The following ATP7B variants were observed in gnomAD, a reference collection of about 807,000 sequenced individuals.
ATP7B encodes the protein ATPase copper transporting beta.
A neutral mutation model predicts 118.9 loss-of-function variants in ATP7B; 113 were observed. The ratio of observed to expected loss-of-function variants is 0.95; its 90% CI spans 0.82 to 1.11. The LOEUF (loss-of-function observed/expected upper bound fraction) is 1.11, where lower values mean the gene tolerates loss of function less well. Ranked by LOEUF, ATP7B falls within the 50% of genes most tolerant of loss-of-function variation. The pLI, the probability that ATP7B is intolerant of heterozygous loss-of-function variation, is 0.00. For missense variants in ATP7B, 1,867 were observed against 1,871.4 expected, an observed-to-expected ratio of 1.00 and a Z score of 0.04; for synonymous variants, 777 against 727.4, an observed-to-expected ratio of 1.07 and a Z score of -1.10.
intron 9 of ATP7B, among the ~76,000 whole-genome samples, chr13:51,956,567 CG>C (rs1006798585): frequency 6.6e-6 from 1 of 152,012 alleles, no homozygotes; most frequent in Non-Finnish European, 1.5e-5. Context: ...GGGGCAGGAG[CG>C]GGAGGTGCCA....
rs587783302 is a variant in ATP7B at position 51,958,500 on chromosome 13, C to G, written c.2166G>C (p.Leu722=). 6.2e-7 allele frequency: 1 copy of G among 1,614,130 alleles called. No homozygotes were observed. Among genetic ancestry groups the G allele is most frequent in the South Asian group, 1.1e-5 (1 of 91,072 alleles). The change falls in exon 8 of 21, where the codon CTG becomes CTC. Residue 722 remains leucine, a synonymous_variant. Transcript: ENST00000242839. ...CGTCCATGTTGGCTGACCTGTGTCT[C>G]AGAGATTTGTAGGCCTGAACGTAGA... ...WYFYVQAYKS[L]RHRSANMDVL...
intron 19 of ATP7B, among the ~76,000 whole-genome samples, chr13:51,936,840 T>C (rs923929136): frequency 5.3e-5 from 8 of 152,240 alleles, no homozygotes; most frequent in African/African-American, 1.9e-4. Flanking sequence ...GAGCCATTTC[T>C]TTCCATGATC....
intron 16 of ATP7B, 133 bp from the exon 17 acceptor site, chr13:51,939,326 G>A: frequency 7.1e-7 from 1 of 1,416,308 alleles, no homozygotes; most frequent in Non-Finnish European, 9.6e-7. Context: ...ACACAATGTG[G>A]TTTTTTTGCT....
At chr13:51,953,427 G>A (rs1262489105) in intron 9 of ATP7B, among the ~76,000 whole-genome samples, 1 of 152,182 alleles carries the variant, frequency 6.6e-6, no homozygotes, top group East Asian at 1.9e-4. Flanking sequence ...AAATTGGCAC[G>A]AATGTACAGT....
intron 8 of ATP7B, 159 bp downstream of exon 8, chr13:51,958,152 G>C (rs958055613): frequency 2.5e-6 from 2 of 798,930 alleles, no homozygotes; most frequent in Admixed American, 2.6e-5. Context: ...CCAATTTGGA[G>C]ATTAGTGACT....
chr13:51,944,916 G>A (rs572988735), intron 13 of ATP7B, among the ~76,000 whole-genome samples: 3 of 152,244 alleles, frequency 2.0e-5, no homozygotes, highest in Non-Finnish European at 4.4e-5. Context: ...AGGGCCAGTC[G>A]AGCCCTGAGC....
At chr13:51,994,130 T>C (rs762615268) in intron 1 of ATP7B, among the ~76,000 whole-genome samples, 15 of 152,244 alleles carry the variant, frequency 9.9e-5, no homozygotes, top group Admixed American at 3.3e-4. Flanking sequence ...AAAGTATAAA[T>C]GTTCACCGTA....
chr13:51,987,724 A>G (rs1340700267), intron 1 of ATP7B, among the ~76,000 whole-genome samples: 1 of 152,212 alleles, frequency 6.6e-6, no homozygotes, highest in African/African-American at 2.4e-5. Flanking sequence ...GATATAGACC[A>G]ATGGAACAGA....
At chr13:51,983,984 A>C (rs1952538323) in intron 1 of ATP7B, among the ~76,000 whole-genome samples, 1 of 152,166 alleles carries the variant, frequency 6.6e-6, no homozygotes, top group Non-Finnish European at 1.5e-5. Context: ...TGAAAATTCC[A>C]AAAACCAGAA....
intron 5 of ATP7B, among the ~76,000 whole-genome samples, 154 bp from the exon 6 acceptor site, chr13:51,962,067 C>A (rs1378690025): frequency 6.6e-6 from 1 of 152,170 alleles, no homozygotes; most frequent in African/African-American, 2.4e-5. Flanking sequence ...AACTTCTTTA[C>A]CCAATAGCCC....
chr13:51,946,432 G>A lies in ATP7B; in HGVS notation c.2912C>T (p.Ala971Val), dbSNP rs770340441. ...ISQTEVIIRF[A>V]FQTSITVLCI... ...CAGCACCGTGATGGACGTCTGGAAAGCAAACCGGATGATCACCTCTGTCTG... is the reference window on the plus strand; with the variant it reads ...CAGCACCGTGATGGACGTCTGGAAAACAAACCGGATGATCACCTCTGTCTG... Residue 971 changes from alanine (A) to valine (V), a missense_variant, in exon 13 of 21, where the codon GCT (alanine) becomes GTT (valine). By Grantham distance (64) the Ala-to-Val change is moderately conservative. Transcript: ENST00000242839. 1.2e-5 allele frequency: 19 copies of A among 1,614,106 alleles called. No individual in the cohort carries two copies. The highest frequency in any genetic ancestry group is 2.7e-5 in the African/African-American group (2 of 74,948).
intron 7 of ATP7B, 134 bp from the exon 8 acceptor site, chr13:51,958,678 A>G: frequency 1.3e-6 from 1 of 755,546 alleles, no homozygotes; most frequent in Non-Finnish European, 2.3e-6. Flanking sequence ...TTCCTCTGTG[A>G]TGGGCGTTTA....
At chr13:52,011,993 CA>C (rs998759219), upstream of ATP7B, 17 of 325,346 alleles carry the variant, frequency 5.2e-5, no homozygotes, top group East Asian at 1.3e-3. Context: ...CCAAAGGAAG[CA>C]ACCGCGGCAA....
intron 14 of ATP7B, 112 bp downstream of exon 14, chr13:51,943,997 G>A: frequency 7.0e-7 from 1 of 1,421,278 alleles, no homozygotes; most frequent in Non-Finnish European, 9.6e-7. Context: ...CCTCTAAGTG[G>A]TTTTCCAGAC....
At chr13:52,007,684 C>A (rs1172870796) in intron 1 of ATP7B, among the ~76,000 whole-genome samples, 2 of 152,134 alleles carry the variant, frequency 1.3e-5, no homozygotes, top group South Asian at 4.1e-4. Context: ...GCCCACAAGA[C>A]CACAAGAATG....
intron 1 of ATP7B, among the ~76,000 whole-genome samples, chr13:51,983,998 C>A (rs1018895220): frequency 6.6e-6 from 1 of 151,998 alleles, no homozygotes; most frequent in African/African-American, 2.4e-5. Context: ...ACCAGAATGC[C>A]TCTTCTCCTT....
intron 12 of ATP7B, 179 bp from the exon 13 acceptor site, chr13:51,946,657 A>G (rs1370387515): frequency 2.9e-6 from 2 of 697,036 alleles, no homozygotes; most frequent in African/African-American, 3.5e-5. Flanking sequence ...TGCTCTCCAC[A>G]TCCCAGCTAT....
chr13:51,975,390 T>A (rs1952059132), intron 1 of ATP7B: 1 of 728,562 alleles, frequency 1.4e-6, no homozygotes, highest in Non-Finnish European at 2.5e-6. Context: ...TCTGTCCTCC[T>A]TAGTGAAATG....
At chr13:51,943,364 GAA>G (rs1036503610) in intron 14 of ATP7B, among the ~76,000 whole-genome samples, 3 of 152,220 alleles carry the variant, frequency 2.0e-5, no homozygotes, top group Admixed American at 1.3e-4. Flanking sequence ...GGTGAGGTGA[GAA>G]AGAGTGGGCT....
Sources: allele counts gnomAD v4.1 joint callset (sites outside exome capture counted in the v4.1 genomes callset), GRCh38; gene constraint gnomAD v4.1.1; transcripts MANE v1.5; gene names NCBI Gene and HGNC (gene_info 2026-07-23, HGNC 2026-07-21).